The following NFIA variants were observed in gnomAD, a reference collection of about 807,000 sequenced individuals.
The protein encoded by NFIA is nuclear factor 1 A-type.
Under a neutral mutation model 62.8 loss-of-function variants are expected in NFIA, and 8 were observed. That is an observed-to-expected ratio of 0.13 (90% CI 0.07 to 0.23). NFIA has a LOEUF of 0.23. Among genes scored for constraint, NFIA ranks in the 10% least tolerant of loss-of-function variants. The probability of loss-of-function intolerance (pLI) is 1.00; values close to 1 mark genes in which losing one functional copy is unlikely to be tolerated. For synonymous variants in NFIA, 235 were observed against 238.1 expected, an observed-to-expected ratio of 0.99 and a Z score of 0.12; for missense variants, 410 against 642.1, an observed-to-expected ratio of 0.64 and a Z score of 3.91.
intron 3 of NFIA, among the ~76,000 whole-genome samples, chr1:61,278,839 G>C (rs1401697652): frequency 1.3e-5 from 2 of 152,096 alleles, no homozygotes; most frequent in Non-Finnish European, 2.9e-5. Flanking sequence ...TTCAAATTCT[G>C]CCTCTCCTAT....
At chr1:61,281,819 T>A (rs1033593791) in intron 3 of NFIA, among the ~76,000 whole-genome samples, 5 of 152,042 alleles carry the variant, frequency 3.3e-5, no homozygotes, top group African/African-American at 1.2e-4. Context: ...AAATTCCTTT[T>A]AAAAAAAATC....
intron 2 of NFIA, among the ~76,000 whole-genome samples, chr1:61,121,690 A>T (rs1440515996): frequency 6.6e-6 from 1 of 152,118 alleles, no homozygotes; most frequent in Non-Finnish European, 1.5e-5. Flanking sequence ...CTTACCCTCA[A>T]TAAGTTAAAA....
At chr1:61,341,680 G>A (rs1242238487) in intron 4 of NFIA, among the ~76,000 whole-genome samples, 1 of 152,178 alleles carries the variant, frequency 6.6e-6, no homozygotes. Flanking sequence ...GTTTTGTCAT[G>A]TTGCCCAGGC....
intron 2 of NFIA, among the ~76,000 whole-genome samples, chr1:61,216,244 A>G (rs149352493): frequency 6.6e-6 from 1 of 152,298 alleles, no homozygotes; most frequent in East Asian, 1.9e-4. Flanking sequence ...TGCTATCATC[A>G]TATCATCTTT....
chr1:61,339,435 A>G (rs1251568537), intron 4 of NFIA, among the ~76,000 whole-genome samples: 1 of 152,202 alleles, frequency 6.6e-6, no homozygotes, highest in Non-Finnish European at 1.5e-5. Context: ...CTTCTTCTGA[A>G]TATATTATGA....
chr1:61,338,008 A>G (rs1297268286), intron 4 of NFIA, among the ~76,000 whole-genome samples: 1 of 142,532 alleles, frequency 7.0e-6, no homozygotes, highest in Non-Finnish European at 1.6e-5. Context: ...AAAGAGGAAA[A>G]CCGCAAATAC....
At position 61,281,901 on chromosome 1, in the gene NFIA, A is replaced by G. The variant is rs188804908; in HGVS notation, c.625+4316A>G. Among the ~76,000 whole-genome samples the G allele has an allele frequency of 2.2e-4, 34 of 152,350 alleles. No homozygotes were observed. In the East Asian group the frequency reaches 6.2e-3, roughly 28 times the overall value. On this transcript the variant is annotated intron_variant, in intron 3 of 10. Coordinates refer to ENST00000403491, the MANE Select transcript of NFIA (RefSeq NM_001134673.4). ...ACTTATTTGCTTAATGAATAAAATT[A>G]ATAAGTAGATGAATATATTGTCATT...
At chr1:61,168,227 C>A (rs1354955470) in intron 2 of NFIA, among the ~76,000 whole-genome samples, 3 of 152,064 alleles carry the variant, frequency 2.0e-5, no homozygotes, top group Non-Finnish European at 4.4e-5. Flanking sequence ...AGTGCAAAGA[C>A]CAGTTGTGAT....
At chr1:61,367,988 C>T (rs936865806) in intron 6 of NFIA, among the ~76,000 whole-genome samples, 3 of 152,200 alleles carry the variant, frequency 2.0e-5, no homozygotes, top group Admixed American at 6.5e-5. Flanking sequence ...TAGGATCAAG[C>T]GCTCAGAAGC....
intron 2 of NFIA, among the ~76,000 whole-genome samples, chr1:61,105,645 C>T (rs1646582977): frequency 1.3e-5 from 2 of 151,812 alleles, no homozygotes; most frequent in Admixed American, 6.6e-5. Flanking sequence ...AACTTTATAT[C>T]AGTGAGTATA....
rs144383823 is a variant in NFIA at position 61,427,748 on chromosome 1, A to G, written c.1512+1192A>G. Among the ~76,000 whole-genome samples the G allele has an allele frequency of 3.1e-3, 465 of 152,272 alleles. 1 individual carries two copies. The highest frequency in any genetic ancestry group is 0.011 in the African/African-American group (449 of 41,552). ...CAGCTGGGAGGACAGGGGGAGCTAA[A>G]AGGGGAGGGAGAAGGTTAACTCTTG... On this transcript the variant is annotated intron_variant, in intron 10 of 10. Transcript: ENST00000403491.
At chr1:61,378,589 A>G (rs547826796) in intron 6 of NFIA, among the ~76,000 whole-genome samples, 68 of 152,334 alleles carry the variant, frequency 4.5e-4, no homozygotes, top group African/African-American at 1.6e-3. Context: ...TCACAGAGTT[A>G]GCAACTTGAA....
chr1:61,320,038 A>G (rs766859972), intron 3 of NFIA, among the ~76,000 whole-genome samples: 1 of 152,116 alleles, frequency 6.6e-6, no homozygotes, highest in South Asian at 2.1e-4. Flanking sequence ...TGGCTGCTGC[A>G]GTTAAAAGGT....
chr1:61,452,396 G>C (rs1668097118), intron 10 of NFIA, among the ~76,000 whole-genome samples: 1 of 152,154 alleles, frequency 6.6e-6, no homozygotes, highest in Non-Finnish European at 1.5e-5. Context: ...TGGTCAAGTA[G>C]CTGGGTTAAT....
intron 2 of NFIA, among the ~76,000 whole-genome samples, chr1:61,136,082 A>G (rs149549010): frequency 1.3e-5 from 2 of 152,350 alleles, no homozygotes; most frequent in East Asian, 1.9e-4. Flanking sequence ...GCATTTGTCC[A>G]TGCATTCTTT....
At chr1:61,438,713 A>G (rs772557901) in intron 10 of NFIA, among the ~76,000 whole-genome samples, 2 of 152,148 alleles carry the variant, frequency 1.3e-5, no homozygotes, top group Non-Finnish European at 2.9e-5. Flanking sequence ...TTCATATTAA[A>G]AAAAGATTAA....
intron 2 of NFIA, among the ~76,000 whole-genome samples, chr1:61,103,844 C>T (rs1010841108): frequency 6.6e-6 from 1 of 152,042 alleles, no homozygotes; most frequent in African/African-American, 2.4e-5. Flanking sequence ...TCATATTAAC[C>T]CAAAGGAATT....
intron 2 of NFIA, among the ~76,000 whole-genome samples, chr1:61,271,333 A>C (rs1457420599): frequency 6.6e-6 from 1 of 152,254 alleles, no homozygotes; most frequent in African/African-American, 2.4e-5. Flanking sequence ...TTATCATCGT[A>C]CACAGTACCG....
rs1286515328 is a variant in NFIA at position 61,456,422 on chromosome 1, A to G, written c.*1102A>G. 1.3e-5 allele frequency: 2 copies of G among 152,226 alleles called. No homozygotes were observed. Among genetic ancestry groups the G allele is most frequent in the African/African-American group, 2.4e-5 (1 of 41,362 alleles). 9.4% of individuals were successfully genotyped at this position (152,226 alleles called of 1,614,324 possible). A position where few individuals can be genotyped will look rare whatever the true frequency, so the allele number is the denominator to read the frequency against. On this transcript the variant is annotated 3_prime_UTR_variant, in exon 11 of 11. Coordinates refer to ENST00000403491, the MANE Select transcript of NFIA (RefSeq NM_001134673.4). ...AATCTAATGGTGCTTTTACCACAAT[A>G]TGTTAACTACATTAAATGCTAATTA...
Sources: allele counts gnomAD v4.1 joint callset (sites outside exome capture counted in the v4.1 genomes callset), GRCh38; gene constraint gnomAD v4.1.1; transcripts MANE v1.5; gene names NCBI Gene and HGNC (gene_info 2026-07-23, HGNC 2026-07-21).